Variants in ZNF365 observed in about 807,000 individuals in gnomAD.
ZNF365 encodes protein ZNF365.
ZNF365 carries 22 observed loss-of-function variants against 35.0 expected under a neutral mutation model. The ratio of observed to expected loss-of-function variants is 0.63; its 90% CI spans 0.45 to 0.90. ZNF365 has a LOEUF of 0.90. Ranked by LOEUF, ZNF365 falls within the 40% of genes least tolerant of loss-of-function variation. The pLI is 0.00. For missense variants in ZNF365, 448 were observed against 500.3 expected, an observed-to-expected ratio of 0.90 and a Z score of 1.00; for synonymous variants, 188 against 196.2, an observed-to-expected ratio of 0.96 and a Z score of 0.35.
intron 3 of ZNF365, among the ~76,000 whole-genome samples, chr10:62,455,615 A>G (rs1034790909): frequency 4.6e-5 from 7 of 152,064 alleles, no homozygotes; most frequent in Admixed American, 3.3e-4. Context: ...TAAATCTCAT[A>G]TATACATAGT....
intron 3 of ZNF365, among the ~76,000 whole-genome samples, chr10:62,423,479 G>T (rs1367595271): frequency 6.6e-6 from 1 of 152,020 alleles, no homozygotes; most frequent in East Asian, 1.9e-4. Flanking sequence ...GAATGATTTG[G>T]GTACATTCAA....
intron 1 of ZNF365, among the ~76,000 whole-genome samples, chr10:62,374,882 G>A (rs896219074): frequency 1.3e-5 from 2 of 152,074 alleles, no homozygotes; most frequent in Admixed American, 6.5e-5. Context: ...TCTTGTCAGC[G>A]TCTTTGGCCC....
chr10:62,399,479 C>A (rs377672383), intron 4 of ZNF365, 49 bp from the exon 5 acceptor site: 7 of 1,591,528 alleles, frequency 4.4e-6, no homozygotes, highest in Non-Finnish European at 6.0e-6. Context: ...TTAAAGAAAT[C>A]TTTCTTTCTG....
chr10:62,445,859 T>C (rs985479896), intron 3 of ZNF365, among the ~76,000 whole-genome samples: 1 of 152,088 alleles, frequency 6.6e-6, no homozygotes. Context: ...CATGGTAGGG[T>C]CCCCATATGT....
chr10:62,389,517 G>A lies in ZNF365; in HGVS notation c.924+941G>A, dbSNP rs117557771. ...AAAGAAAATAGGCAACATTTATGCCGATCAAAAGATTAGCAAGGTTGCTAT... is the reference window on the plus strand; with the variant it reads ...AAAGAAAATAGGCAACATTTATGCCAATCAAAAGATTAGCAAGGTTGCTAT... On this transcript the variant is annotated intron_variant, in intron 3 of 4. Coordinates refer to ENST00000395254, the MANE Select transcript of ZNF365 (RefSeq NM_014951.3). Among the ~76,000 whole-genome samples the A allele has an allele frequency of 2.0e-4, 31 of 151,994 alleles. No individual in the cohort carries two copies. In the East Asian group the frequency reaches 5.2e-3, roughly 26 times the overall value.
intron 3 of ZNF365, among the ~76,000 whole-genome samples, chr10:62,443,805 A>C (rs565361459): frequency 6.6e-6 from 1 of 152,284 alleles, no homozygotes; most frequent in East Asian, 1.9e-4. Context: ...AATCGCCTTT[A>C]ACTGCATTTC....
At chr10:62,403,520 C>T (rs183228720), downstream of ZNF365, among the ~76,000 whole-genome samples, 13 of 152,126 alleles carry the variant, frequency 8.5e-5, no homozygotes, top group African/African-American at 2.6e-4. Flanking sequence ...TAGCCGGGCG[C>T]AGTGGCGGGC....
intron 3 of ZNF365, among the ~76,000 whole-genome samples, chr10:62,409,689 G>T (rs16917178): frequency 0.019 from 2,911 of 152,162 alleles, 60 homozygotes; most frequent in East Asian, 0.077. Flanking sequence ...AGAATAATCA[G>T]TTTGGCTCAA....
intron 3 of ZNF365, among the ~76,000 whole-genome samples, chr10:62,431,070 CA>C (rs1365350443): frequency 6.6e-6 from 1 of 152,206 alleles, no homozygotes; most frequent in Non-Finnish European, 1.5e-5. Flanking sequence ...TGGTAAAAGT[CA>C]AATGCTTCAC....
At chr10:62,432,271 T>C (rs1840346049) in intron 3 of ZNF365, among the ~76,000 whole-genome samples, 1 of 152,168 alleles carries the variant, frequency 6.6e-6, no homozygotes, top group Non-Finnish European at 1.5e-5. Context: ...AGAGCAGTTT[T>C]TAGGAGAGCA....
At chr10:62,394,951 G>A (rs542798643) in intron 3 of ZNF365, among the ~76,000 whole-genome samples, 1 of 152,276 alleles carries the variant, frequency 6.6e-6, no homozygotes, top group African/African-American at 2.4e-5. Context: ...TGAGATCCGG[G>A]CTGGGGATGG....
chr10:62,398,325 T>C (rs1162489022), intron 3 of ZNF365, among the ~76,000 whole-genome samples: 3 of 152,214 alleles, frequency 2.0e-5, no homozygotes, highest in Non-Finnish European at 4.4e-5. Context: ...GAGGCCATTA[T>C]TCTAAGTGAA....
chr10:62,428,273 T>C (rs1840279865), intron 3 of ZNF365, among the ~76,000 whole-genome samples: 1 of 152,116 alleles, frequency 6.6e-6, no homozygotes, highest in Non-Finnish European at 1.5e-5. Flanking sequence ...CTTGATATGG[T>C]TTGGCTGTGT....
chr10:62,386,447 A>G (rs555336139), intron 2 of ZNF365, among the ~76,000 whole-genome samples: 1 of 152,310 alleles, frequency 6.6e-6, no homozygotes, highest in South Asian at 2.1e-4. Flanking sequence ...ATTAGGGTTT[A>G]TGTTTGATCC....
chr10:62,382,206 A>G (rs973963769), intron 2 of ZNF365, among the ~76,000 whole-genome samples: 2 of 152,192 alleles, frequency 1.3e-5, no homozygotes, highest in South Asian at 4.1e-4. Context: ...TTGCTATTTA[A>G]TTCATTCCCA....
intron 3 of ZNF365, among the ~76,000 whole-genome samples, chr10:62,415,395 G>T (rs1840057908): frequency 6.6e-6 from 1 of 151,886 alleles, no homozygotes; most frequent in Non-Finnish European, 1.5e-5. Flanking sequence ...GTTTAGTTTT[G>T]GTAAGACTCA....
intron 3 of ZNF365, among the ~76,000 whole-genome samples, chr10:62,392,510 TTA>T (rs1235312597): frequency 2.0e-5 from 3 of 152,196 alleles, no homozygotes; most frequent in African/African-American, 7.2e-5. Context: ...TTTCCCCACT[TTA>T]TGTTTCTGTT....
intron 3 of ZNF365, among the ~76,000 whole-genome samples, chr10:62,452,063 G>T (rs996804527): frequency 6.6e-6 from 1 of 152,206 alleles, no homozygotes; most frequent in Non-Finnish European, 1.5e-5. Flanking sequence ...GGGAAGTTGT[G>T]ATTCCCGAAG....
intron 3 of ZNF365, among the ~76,000 whole-genome samples, chr10:62,412,243 A>G (rs1315335521): frequency 6.6e-6 from 1 of 152,040 alleles, no homozygotes; most frequent in Non-Finnish European, 1.5e-5. Flanking sequence ...ACATTGCTTC[A>G]TGTTAAAAAC....
Sources: gnomAD v4.1 joint callset for allele counts (sites outside exome capture counted in the v4.1 genomes callset) on GRCh38, gnomAD v4.1.1 for gene constraint, MANE v1.5 for transcripts, NCBI Gene and HGNC (gene_info 2026-07-23, HGNC 2026-07-21) for gene names.